The following BPIFC variants were observed in gnomAD, a reference collection of about 807,000 sequenced individuals.
BPIFC encodes the protein BPI fold-containing family C protein.
A neutral mutation model predicts 57.6 loss-of-function variants in BPIFC; 60 were observed. The ratio of observed to expected loss-of-function variants is 1.04; its 90% CI spans 0.85 to 1.29. The LOEUF is 1.29. Among genes scored for constraint, BPIFC ranks in the 50% most tolerant of loss-of-function variants. BPIFC has a pLI of 0.00. For synonymous variants in BPIFC, 243 were observed against 224.5 expected (o/e 1.08, Z -0.74); for missense variants, 581 against 600.5 (o/e 0.97, Z 0.34).
In BPIFC at chr22:32,447,287, C is replaced by G. The variant is rs1332975127; in HGVS notation, c.299G>C (p.Gly100Ala). 3 of 1,613,974 alleles carry G rather than the reference C, an allele frequency of 1.9e-6. No homozygotes were observed. The highest frequency in any genetic ancestry group is 2.5e-6 in the Non-Finnish European group (3 of 1,180,008). Residue 100 changes from glycine (G) to alanine (A), a missense_variant, in exon 5 of 17, where the codon GGA becomes GCA. Transcript: ENST00000300399. Reference protein sequence around the residue: ...FPNTSLAFVPGVGIKALTNHG... With the variant: ...FPNTSLAFVPAVGIKALTNHG... ...GTTGGTTAGCGCTTTGATTCCCACT[C>G]CAGGCACAAAAGCCAATGAGGTATT...
chr22:32,435,842 G>A lies in BPIFC; in HGVS notation c.786C>T (p.Pro262=), dbSNP rs764786332. 3 of 1,613,194 alleles carry A rather than the reference G, an allele frequency of 1.9e-6. No individual in the cohort carries two copies. The highest frequency in any genetic ancestry group is 1.3e-5 in the African/African-American group (1 of 74,780). Residue 262 remains proline, a synonymous_variant, in exon 10 of 17, where the codon CCC becomes CCT. Transcript: ENST00000300399. ...GGAGCACAAAAGGAACTGGTGAGAA[G>A]GGGGGGTCGGTGAGGTTTTCCAGTG... ...FYPLENLTDP[P]FSPVPFVLPE... is the part of the protein sequence containing the mutation.
At chr22:32,431,439 A>ATTTATTTATTTATTTATTTATTTATTTTT in intron 12 of BPIFC, 25 bp from the exon 13 acceptor site, 1 of 1,343,078 alleles carries the variant, frequency 7.4e-7, no homozygotes, top group Non-Finnish European at 1.1e-6. Flanking sequence ...AGCATTTATT[A>ATTTATTTATTTATTTATTTATTTATTTTT]TTAAGACGAG....
At chr22:32,458,865 A>G (rs577132625) in intron 2 of BPIFC, among the ~76,000 whole-genome samples, 73 of 152,370 alleles carry the variant, frequency 4.8e-4, no homozygotes, top group African/African-American at 1.7e-3. Context: ...TTTTGATGAA[A>G]TAAACATTCT....
intron 3 of BPIFC, among the ~76,000 whole-genome samples, chr22:32,455,177 A>G (rs1350401089): frequency 6.6e-6 from 1 of 150,920 alleles, no homozygotes; most frequent in Non-Finnish European, 1.5e-5. Flanking sequence ...CAGCCTCCCA[A>G]GTAGCTGGGA....
At chr22:32,429,509 GTTTTTTTTTTT>G (rs780948561) in intron 13 of BPIFC, among the ~76,000 whole-genome samples, 19 of 56,646 alleles carry the variant, frequency 3.4e-4, no homozygotes, top group South Asian at 2.2e-3. Context: ...ACTGGCCTTT[GTTTTTTTTTTT>G]TTTTTTTTTT....
intron 15 of BPIFC, among the ~76,000 whole-genome samples, chr22:32,416,379 G>A (rs1449167031): frequency 6.6e-6 from 1 of 152,086 alleles, no homozygotes; most frequent in African/African-American, 2.4e-5. Context: ...CACTGAGCCC[G>A]GCATGGACAG....
At chr22:32,461,780 G>T in intron 1 of BPIFC, 119 bp from the exon 2 acceptor site, 1 of 301,502 alleles carries the variant, frequency 3.3e-6, no homozygotes, top group Non-Finnish European at 4.9e-6. Context: ...CATATGGCGA[G>T]GCCAAACTGA....
At chr22:32,435,979 A>G (rs1934382684) in intron 9 of BPIFC, 99 bp from the exon 10 acceptor site, 5 of 1,376,670 alleles carry the variant, frequency 3.6e-6, no homozygotes, top group Middle Eastern at 2.7e-4. Flanking sequence ...TAAGAATTCC[A>G]GAAGCTCGGG....
At chr22:32,458,350 C>T (rs1475781643) in intron 2 of BPIFC, among the ~76,000 whole-genome samples, 1 of 152,222 alleles carries the variant, frequency 6.6e-6, no homozygotes, top group African/African-American at 2.4e-5. Context: ...CCCGGTCTTG[C>T]ACTTCTTCAG....
intron 7 of BPIFC, among the ~76,000 whole-genome samples, chr22:32,443,782 T>A (rs1179865804): frequency 2.0e-5 from 3 of 152,212 alleles, no homozygotes; most frequent in Non-Finnish European, 4.4e-5. Flanking sequence ...TGTGTCCACC[T>A]CATCACATTG....
intron 2 of BPIFC, among the ~76,000 whole-genome samples, 158 bp from the exon 3 acceptor site, chr22:32,457,544 T>A (rs547802103): frequency 1.6e-3 from 241 of 147,710 alleles, no homozygotes; most frequent in African/African-American, 5.4e-3. Flanking sequence ...CATCCATCCA[T>A]CCAACCATCC....
chr22:32,433,347 G>A (rs181002062), intron 11 of BPIFC, among the ~76,000 whole-genome samples: 25 of 152,320 alleles, frequency 1.6e-4, no homozygotes, highest in Admixed American at 1.0e-3. Flanking sequence ...AGTGTGCTAC[G>A]AAGGCACAAT....
chr22:32,425,474 G>A (rs997882673), intron 13 of BPIFC, among the ~76,000 whole-genome samples: 12 of 152,292 alleles, frequency 7.9e-5, no homozygotes, highest in African/African-American at 2.2e-4. Flanking sequence ...CAGGATACAG[G>A]GGAGCGAAGT....
In BPIFC at chr22:32,414,138, G is replaced by A. The variant is rs933318879; in HGVS notation, c.*165C>T. The A allele has an allele frequency of 2.2e-5, 17 of 762,430 alleles. No homozygotes were observed. The South Asian group carries it at 3.4e-4, about 15-fold the overall frequency. The allele number at this position is 762,430 out of a possible 1,614,324, so 47.2% of individuals were successfully genotyped here. ...CACCTCTATTTATCCCTTTAACAGA[G>A]TCTGCCTTATTCTGGGTTCCTGAAG... On this transcript the variant is annotated 3_prime_UTR_variant, in exon 17 of 17. Coordinates refer to ENST00000300399, the MANE Select transcript of BPIFC (RefSeq NM_174932.3).
chr22:32,433,314 T>C (rs555253859), intron 11 of BPIFC, among the ~76,000 whole-genome samples: 1 of 152,224 alleles, frequency 6.6e-6, no homozygotes, highest in Non-Finnish European at 1.5e-5. Flanking sequence ...CCCTAGCCCG[T>C]AGGTTCATTA....
chr22:32,423,012 C>G (rs563680070), intron 13 of BPIFC, among the ~76,000 whole-genome samples: 1 of 152,056 alleles, frequency 6.6e-6, no homozygotes, highest in Admixed American at 6.6e-5. Context: ...GATAAATGAG[C>G]GGATGAAGGA....
intron 2 of BPIFC, among the ~76,000 whole-genome samples, chr22:32,458,657 C>T (rs1461354365): frequency 6.6e-6 from 1 of 152,220 alleles, no homozygotes; most frequent in East Asian, 1.9e-4. Flanking sequence ...AATGAAGTCT[C>T]TTTCACAAGC....
In BPIFC at chr22:32,435,831, A is replaced by G. The variant is rs753217194; in HGVS notation, c.797T>C (p.Val266Ala). 6.2e-7 allele frequency: 1 copy of G among 1,614,154 alleles called. No homozygotes were observed. Among genetic ancestry groups the G allele is most frequent in the Non-Finnish European group, 8.5e-7 (1 of 1,180,026 alleles). ...ENLTDPPFSP[V>A]PFVLPERSNS... is the part of the protein sequence containing the mutation. ...GCTGCGTTCTGGGAGCACAAAAGGA[A>G]CTGGTGAGAAGGGGGGGTCGGTGAG... The change falls in exon 10 of 17, where the codon GTT becomes GCT. Residue 266 changes from valine (V) to alanine (A), a missense_variant. Transcript: ENST00000300399.
chr22:32,441,946 G>A (rs188365782), intron 8 of BPIFC, among the ~76,000 whole-genome samples: 3 of 152,104 alleles, frequency 2.0e-5, no homozygotes, highest in Non-Finnish European at 4.4e-5. Context: ...TTCACAATAG[G>A]GTTCGCACTC....
Sources: gnomAD v4.1 joint callset for allele counts (sites outside exome capture counted in the v4.1 genomes callset) on GRCh38, gnomAD v4.1.1 for gene constraint, MANE v1.5 for transcripts, NCBI Gene and HGNC (gene_info 2026-07-23, HGNC 2026-07-21) for gene names.